Variants in JARID2 observed in about 807,000 individuals in gnomAD.
JARID2 encodes the protein protein Jumonji.
A neutral mutation model predicts 125.6 loss-of-function variants in JARID2; 21 were observed. That is an observed-to-expected ratio of 0.17 (90% CI 0.12 to 0.24). JARID2 has a LOEUF of 0.24. JARID2 is among the 10% of genes least tolerant of loss of function. JARID2 has a pLI of 1.00. For synonymous variants in JARID2, 736 were observed against 661.6 expected (o/e 1.11, Z -1.73); for missense variants, 1,303 against 1,639.6 (o/e 0.79, Z 3.55).
intron 1 of JARID2, among the ~76,000 whole-genome samples, chr6:15,251,552 A>G (rs1759454985): frequency 6.6e-6 from 1 of 152,136 alleles, no homozygotes; most frequent in African/African-American, 2.4e-5. Flanking sequence ...GGTCCTGGCC[A>G]CCTCTGGGAT....
At chr6:15,297,851 A>G (rs73726511) in intron 1 of JARID2, among the ~76,000 whole-genome samples, 1,624 of 152,290 alleles carry the variant, frequency 0.011, 29 homozygotes, top group African/African-American at 0.037. Flanking sequence ...CTACAAATGT[A>G]AAATGTTATT....
intron 1 of JARID2, among the ~76,000 whole-genome samples, chr6:15,282,743 A>G (rs1561767656): frequency 6.6e-6 from 1 of 152,028 alleles, no homozygotes; most frequent in African/African-American, 2.4e-5. Flanking sequence ...CTGAGATTAC[A>G]GGCATGCGCC....
At chr6:15,518,743 A>G (rs1771686703) in intron 17 of JARID2, among the ~76,000 whole-genome samples, 1 of 152,118 alleles carries the variant, frequency 6.6e-6, no homozygotes. Context: ...CAGCCTCCCA[A>G]AGTGCTGGGA....
intron 2 of JARID2, among the ~76,000 whole-genome samples, chr6:15,377,132 G>A (rs1764385463): frequency 6.6e-6 from 1 of 152,156 alleles, no homozygotes; most frequent in Non-Finnish European, 1.5e-5. Flanking sequence ...AGGTTAGTGG[G>A]AGTGGAAGCA....
intron 5 of JARID2, among the ~76,000 whole-genome samples, chr6:15,475,597 C>T (rs775419335): frequency 3.9e-5 from 6 of 152,232 alleles, no homozygotes; most frequent in African/African-American, 7.2e-5. Context: ...GCTGCACCTG[C>T]GACCTCAGGA....
At position 15,496,853 on chromosome 6, in the gene JARID2, A is replaced by G. The variant is rs1230502778; in HGVS notation, c.1628A>G (p.Glu543Gly). 13 of 1,601,718 alleles carry G rather than the reference A, an allele frequency of 8.1e-6. No individual in the cohort carries two copies. In the African/African-American group the frequency reaches 1.5e-4, roughly 18 times the overall value. ...VHKPQDSGKA[E>G]KGGGKAGWAA... The stretch of plus-strand genomic sequence containing the variant: ...AAGCCGCAGGACTCGGGCAAGGCCG[A>G]GAAGGGCGGCGGCAAGGCCGGGTGG... The change falls in exon 7 of 18, where the codon GAG becomes GGG. Residue 543 changes from glutamate to glycine, a missense_variant. Around this residue, in one of 11 missense-constraint regions of JARID2, gnomAD observed 651 missense variants for 581.6 expected, o/e 1.12. Coordinates refer to ENST00000341776, the MANE Select transcript of JARID2 (RefSeq NM_004973.4).
chr6:15,328,499 T>C (rs921418014), intron 1 of JARID2, among the ~76,000 whole-genome samples: 1 of 152,176 alleles, frequency 6.6e-6, no homozygotes, highest in African/African-American at 2.4e-5. Flanking sequence ...TTTAGTGTCA[T>C]TGGGAGCGTT....
chr6:15,405,699 A>C (rs1765621539), intron 2 of JARID2, among the ~76,000 whole-genome samples: 1 of 152,156 alleles, frequency 6.6e-6, no homozygotes, highest in South Asian at 2.1e-4. Context: ...AAAAATAAAA[A>C]CGGTTTGAGT....
chr6:15,493,688 CT>C (rs1770267079), intron 6 of JARID2, among the ~76,000 whole-genome samples: 1 of 135,772 alleles, frequency 7.4e-6, no homozygotes, highest in Admixed American at 7.8e-5. Flanking sequence ...GCCTTTGTTG[CT>C]GGAAATAAAG....
intron 1 of JARID2, among the ~76,000 whole-genome samples, chr6:15,325,095 T>A (rs1242956241): frequency 6.6e-6 from 1 of 152,188 alleles, no homozygotes; most frequent in Non-Finnish European, 1.5e-5. Flanking sequence ...CTTGATTTTT[T>A]TAACTTAATT....
chr6:15,246,970 T>G (rs2127278726), intron 1 of JARID2, among the ~76,000 whole-genome samples: 1 of 152,354 alleles, frequency 6.6e-6, no homozygotes. Flanking sequence ...ATTATTAATG[T>G]TATTTGGAAA....
At chr6:15,387,558 G>T (rs1433590734) in intron 2 of JARID2, among the ~76,000 whole-genome samples, 2 of 152,090 alleles carry the variant, frequency 1.3e-5, no homozygotes, top group Non-Finnish European at 2.9e-5. Context: ...TGGACCTTAG[G>T]GGTTAGAGCT....
At chr6:15,498,827 G>A (rs892635865) in intron 7 of JARID2, among the ~76,000 whole-genome samples, 2 of 152,206 alleles carry the variant, frequency 1.3e-5, no homozygotes, top group African/African-American at 2.4e-5. Context: ...ACCCACGCCC[G>A]CTGACCACGC....
At chr6:15,416,056 C>T (rs1412636907) in intron 3 of JARID2, among the ~76,000 whole-genome samples, 1 of 151,674 alleles carries the variant, frequency 6.6e-6, no homozygotes, top group African/African-American at 2.4e-5. Flanking sequence ...GACGGGGCGG[C>T]GGGGCAGAGG....
At chr6:15,318,201 A>T (rs1762241245) in intron 1 of JARID2, among the ~76,000 whole-genome samples, 1 of 151,980 alleles carries the variant, frequency 6.6e-6, no homozygotes, top group Non-Finnish European at 1.5e-5. Context: ...ACAAGAGCAA[A>T]ACTCCGTTTC....
intron 8 of JARID2, among the ~76,000 whole-genome samples, chr6:15,501,950 C>T (rs564766361): frequency 2.0e-5 from 3 of 152,310 alleles, no homozygotes; most frequent in East Asian, 1.9e-4. Context: ...CTGGCTGGAC[C>T]GTCAGTGGAC....
chr6:15,510,002 T>TA (rs1467776934), intron 12 of JARID2, among the ~76,000 whole-genome samples: 2 of 151,808 alleles, frequency 1.3e-5, no homozygotes, highest in African/African-American at 2.4e-5. Context: ...ACATGAGCAT[T>TA]AAAAAAAATA....
chr6:15,365,444 C>CTGCT (rs1342992331), intron 1 of JARID2, among the ~76,000 whole-genome samples: 1 of 152,204 alleles, frequency 6.6e-6, no homozygotes, highest in African/African-American at 2.4e-5. Flanking sequence ...TGCTGCCATG[C>CTGCT]TGCTGCCTTG....
At chr6:15,252,053 A>C (rs986061634) in intron 1 of JARID2, among the ~76,000 whole-genome samples, 1 of 152,196 alleles carries the variant, frequency 6.6e-6, no homozygotes, top group Non-Finnish European at 1.5e-5. Context: ...TCAAAAAAAA[A>C]TGTGGGCCAG....
Sources: gnomAD v4.1 joint callset for allele counts (sites outside exome capture counted in the v4.1 genomes callset) on GRCh38, gnomAD v4.1.1 for gene constraint, gnomAD v4.1.1 regional missense constraint, MANE v1.5 for transcripts, NCBI Gene and HGNC (gene_info 2026-07-23, HGNC 2026-07-21) for gene names.